CHD2: variants seen among roughly 807,000 people sequenced by gnomAD.
CHD2 encodes ATP-dependent chromatin remodeler CHD2.
Under a neutral mutation model 243.9 loss-of-function variants are expected in CHD2, and 28 were observed. That is an observed-to-expected ratio of 0.11 (90% CI 0.09 to 0.16). The LOEUF is 0.16. Among genes scored for constraint, CHD2 ranks in the 10% least tolerant of loss-of-function variants. CHD2 has a pLI of 1.00. For synonymous variants in CHD2, 775 were observed against 779.0 expected, an observed-to-expected ratio of 0.99 and a Z score of 0.09; for missense variants, 1,386 against 2,209.8, an observed-to-expected ratio of 0.63 and a Z score of 7.47.
chr15:92,985,689 G>C lies in CHD2; in HGVS notation c.3413+16G>C. ...AGATCCGAAGGTTGGTGGAGGCTCT[G>C]TTCTCACTGAGCTTGTTTGAAAGTG... On this transcript the variant is annotated intron_variant, in intron 26 of 38. Transcript: ENST00000394196. The C allele has an allele frequency of 1.2e-6, 2 of 1,602,328 alleles. No individual in the cohort carries two copies. The highest frequency in any genetic ancestry group is 1.7e-6 in the Non-Finnish European group (2 of 1,175,714).
chr15:93,023,668 G>GTT (rs372258934), intron 38 of CHD2, among the ~76,000 whole-genome samples: 8,124 of 138,214 alleles, frequency 0.059, 249 homozygotes, highest in Middle Eastern at 0.12. Flanking sequence ...TATTTCCTGG[G>GTT]TTTTTTTTTT....
intron 3 of CHD2, among the ~76,000 whole-genome samples, 173 bp downstream of exon 3, chr15:92,924,725 A>G (rs1293431852): frequency 6.6e-6 from 1 of 152,198 alleles, no homozygotes; most frequent in African/African-American, 2.4e-5. Flanking sequence ...TTTCTGCTCT[A>G]TTAAGGAAAA....
chr15:92,975,695 G>C (rs900017719), intron 20 of CHD2, among the ~76,000 whole-genome samples: 15 of 151,538 alleles, frequency 9.9e-5, no homozygotes, highest in African/African-American at 3.4e-4. Context: ...AGATAGAACA[G>C]ACTTAGCTTT....
chr15:92,937,364 A>G (rs1212779661), intron 5 of CHD2, among the ~76,000 whole-genome samples, 154 bp from the exon 6 acceptor site: 1 of 152,238 alleles, frequency 6.6e-6, no homozygotes, highest in African/African-American at 2.4e-5. Flanking sequence ...AAGGATCACA[A>G]TTCAAGTTTA....
At chr15:93,009,764 C>T (rs976641607) in intron 35 of CHD2, among the ~76,000 whole-genome samples, 3 of 152,190 alleles carry the variant, frequency 2.0e-5, no homozygotes, top group Admixed American at 2.0e-4. Flanking sequence ...ACTATGAGTT[C>T]TCTATTCTCA....
intron 2 of CHD2, chr15:92,904,719 A>G (rs923948210): frequency 1.4e-6 from 2 of 1,399,614 alleles, no homozygotes; most frequent in Non-Finnish European, 1.8e-6. Flanking sequence ...GAAATCTTAA[A>G]ATAGAAAATT....
chr15:92,919,546 A>G (rs1289209234), intron 2 of CHD2, among the ~76,000 whole-genome samples: 1 of 152,046 alleles, frequency 6.6e-6, no homozygotes, highest in African/African-American at 2.4e-5. Flanking sequence ...GCACACTACC[A>G]TGCCCAGCTA....
chr15:92,995,701 A>C (rs911411096), intron 28 of CHD2, among the ~76,000 whole-genome samples: 1 of 152,228 alleles, frequency 6.6e-6, no homozygotes, highest in African/African-American at 2.4e-5. Context: ...ATTATAAAGA[A>C]AGTCACAATG....
In CHD2 at chr15:92,997,206, A is replaced by T; in HGVS notation, c.3735-47A>T. The T allele has an allele frequency of 6.2e-7, 1 of 1,610,014 alleles. No individual in the cohort carries two copies. The highest frequency in any genetic ancestry group is 8.5e-7 in the Non-Finnish European group (1 of 1,178,588). ...TTTACTGTCTCTTCTTTAACATACCAAAAAGGCCCCTCTTCTAATGTCTTC... is the reference window on the plus strand; with the variant it reads ...TTTACTGTCTCTTCTTTAACATACCTAAAAGGCCCCTCTTCTAATGTCTTC... On this transcript the variant is annotated intron_variant, in intron 29 of 38. Coordinates refer to ENST00000394196, the MANE Select transcript of CHD2 (RefSeq NM_001271.4). This position sits in a 1 kb window ranked among gnomAD's most constrained non-coding sequence, Gnocchi z 4.1.
intron 2 of CHD2, among the ~76,000 whole-genome samples, chr15:92,906,399 A>T (rs1204816825): frequency 6.6e-6 from 1 of 152,202 alleles, no homozygotes; most frequent in Non-Finnish European, 1.5e-5. Context: ...TTTGGTTGTG[A>T]CAGTTGTAGC....
intron 37 of CHD2, among the ~76,000 whole-genome samples, chr15:93,018,740 C>G (rs975582544): frequency 2.6e-5 from 4 of 151,988 alleles, no homozygotes; most frequent in Non-Finnish European, 4.4e-5. Context: ...TCTTGACTCA[C>G]GCCGATTTCT....
At chr15:93,005,591 G>GGACCGTGTT (rs1252858079) in intron 34 of CHD2, among the ~76,000 whole-genome samples, 1 of 152,122 alleles carries the variant, frequency 6.6e-6, no homozygotes, top group African/African-American at 2.4e-5. Context: ...TGGCAGCAAA[G>GGACCGTGTT]GACCCTGTTG....
chr15:92,921,480 T>G (rs188622995), intron 2 of CHD2: 1 of 152,340 alleles, frequency 6.6e-6, no homozygotes, highest in African/African-American at 2.4e-5. Flanking sequence ...CTAACATCCC[T>G]TTCAAGTAGA....
At position 92,946,081 on chromosome 15, in the gene CHD2, A is replaced by G. The variant is rs749255095; in HGVS notation, c.1242A>G (p.Leu414=). 16 of 1,610,400 alleles carry G rather than the reference A, an allele frequency of 9.9e-6. No individual in the cohort carries two copies. The highest frequency in any genetic ancestry group is 5.5e-5 in the South Asian group (5 of 90,500). ...KPAPSNEPEY[L]CKWMGLPYSE... ...CACCCTCAAATGAGCCCGAATATCT[A>G]TGTAAATGGATGGGACTCCCCTATT... The change falls in exon 12 of 39, where the codon CTA becomes CTG. Residue 414 remains leucine (L), a synonymous_variant. Coordinates refer to ENST00000394196, the MANE Select transcript of CHD2 (RefSeq NM_001271.4).
At chr15:93,020,662 C>A in intron 38 of CHD2, 1 of 323,740 alleles carries the variant, frequency 3.1e-6, no homozygotes, top group South Asian at 5.7e-5. Context: ...TCTGAAGCTG[C>A]ACCCTCTTTA....
intron 36 of CHD2, among the ~76,000 whole-genome samples, chr15:93,013,561 C>T (rs944510982): frequency 1.3e-5 from 2 of 152,092 alleles, no homozygotes; most frequent in Non-Finnish European, 2.9e-5. Flanking sequence ...GTTTTGCTTC[C>T]AGGAATTTAG....
intron 7 of CHD2, among the ~76,000 whole-genome samples, chr15:92,940,936 AAAATATATATAAATAT>A (rs1334381621): frequency 8.0e-5 from 11 of 138,000 alleles, no homozygotes; most frequent in South Asian, 2.1e-4. Flanking sequence ...AAATATATAT[AAAATATATATAAATAT>A]AAATATATAT....
At chr15:92,993,083 G>A in intron 28 of CHD2, 85 bp downstream of exon 28, 1 of 1,440,688 alleles carries the variant, frequency 6.9e-7, no homozygotes, top group African/African-American at 1.4e-5. Context: ...TTAAGGACAG[G>A]CTTGAGGACC....
At chr15:92,967,747 T>A (rs2053785893) in intron 17 of CHD2, among the ~76,000 whole-genome samples, 1 of 152,102 alleles carries the variant, frequency 6.6e-6, no homozygotes, top group Non-Finnish European at 1.5e-5. Context: ...CAGGCTGGTC[T>A]TGAACTCCCG....
Sources: allele counts gnomAD v4.1 joint callset (sites outside exome capture counted in the v4.1 genomes callset), GRCh38; gene constraint gnomAD v4.1.1; non-coding constraint Gnocchi (gnomAD v3.1); transcripts MANE v1.5; gene names NCBI Gene and HGNC (gene_info 2026-07-23, HGNC 2026-07-21).